The following PCDHA6 variants were observed in gnomAD, a reference collection of about 807,000 sequenced individuals.
The protein encoded by PCDHA6 is protocadherin alpha-6.
PCDHA6 carries 55 observed loss-of-function variants against 60.3 expected under a neutral mutation model. The ratio of observed to expected loss-of-function variants is 0.91; its 90% CI spans 0.73 to 1.14. PCDHA6 has a LOEUF of 1.14. PCDHA6 is among the 50% of genes most tolerant of loss of function. PCDHA6 has a pLI of 0.00. For missense variants in PCDHA6, 1,327 were observed against 1,256.5 expected (o/e 1.06, Z -0.85); for synonymous variants, 652 against 557.9 (o/e 1.17, Z -2.38).
At chr5:140,854,296 G>T in intron 1 of PCDHA6, 4 of 437,926 alleles carry the variant, frequency 9.1e-6, no homozygotes, top group Non-Finnish European at 1.2e-5. Context: ...TTATTATTTT[G>T]TGCGTGGAGA....
chr5:140,882,501 A>G lies in PCDHA6; in HGVS notation c.2394+52016A>G, dbSNP rs782169319. On this transcript the variant is annotated intron_variant, in intron 1 of 3. Transcript: ENST00000529310. Reference sequence around the variant, plus strand: ...AGACACGGGGACCTTCTGGAGGTAAATCTGCAGAATGGCATTTTGTTTGTG... The same window carrying G: ...AGACACGGGGACCTTCTGGAGGTAAGTCTGCAGAATGGCATTTTGTTTGTG... 1 of 1,614,098 alleles carries G rather than the reference A, an allele frequency of 6.2e-7. No individual in the cohort carries two copies. Among genetic ancestry groups the G allele is most frequent in the Non-Finnish European group, 8.5e-7 (1 of 1,180,032 alleles).
At chr5:140,834,520 GC>G in intron 1 of PCDHA6, 1 of 1,614,066 alleles carries the variant, frequency 6.2e-7, no homozygotes, top group Non-Finnish European at 8.5e-7. Flanking sequence ...AACTTCGTGG[GC>G]CGCATCGCGC....
rs2150157851 is a variant in PCDHA6 at position 140,828,677 on chromosome 5, T to C, written c.586T>C (p.Leu196=). 6.8e-6 allele frequency: 11 copies of C among 1,614,216 alleles called. No individual in the cohort carries two copies. Among genetic ancestry groups the C allele is most frequent in the Non-Finnish European group, 7.6e-6 (9 of 1,180,046 alleles). ...TGACAATAAACAAATTGGGCTCTTA[T>C]TAAAGAAATCCTTGGACAGAGAGGA... is the stretch of plus-strand genomic sequence containing the variant. The part of the protein sequence containing the change: ...SDDNKQIGLL[L]KKSLDREEAP... Residue 196 remains leucine (L), a synonymous_variant, in exon 1 of 4, where the codon TTA becomes CTA. Transcript: ENST00000529310.
At chr5:140,856,876 G>A (rs1554149244) in intron 1 of PCDHA6, 1 of 1,596,004 alleles carries the variant, frequency 6.3e-7, no homozygotes, top group Non-Finnish European at 8.6e-7. Context: ...ACAAGGAAAT[G>A]ATGTATTCAT....
intron 1 of PCDHA6, among the ~76,000 whole-genome samples, chr5:140,938,125 A>T (rs1339364898): frequency 6.6e-6 from 1 of 152,120 alleles, no homozygotes; most frequent in Non-Finnish European, 1.5e-5. Context: ...TTTTTTAAAA[A>T]AATAGAGATA....
chr5:140,916,068 C>G (rs928159450), intron 1 of PCDHA6, among the ~76,000 whole-genome samples: 1 of 152,166 alleles, frequency 6.6e-6, no homozygotes, highest in African/African-American at 2.4e-5. Context: ...TCCCTGTGGC[C>G]AGTACTACCA....
rs1362509837 is a variant in PCDHA6, at chr5:140,884,388, T to A, written c.2394+53903T>A. On this transcript the variant is annotated intron_variant, in intron 1 of 3. Transcript: ENST00000529310. ...TACTTGATCATTGCCATCTGCGCGG[T>A]GTCCAGCCTGTTGGTGCTCACGTTG... 3 of 1,613,960 alleles carry A rather than the reference T, an allele frequency of 1.9e-6. No individual in the cohort carries two copies. In the Admixed American group the frequency reaches 5.0e-5, roughly 27 times the overall value.
At chr5:140,917,037 GCA>G (rs2077840325) in intron 1 of PCDHA6, among the ~76,000 whole-genome samples, 1 of 152,268 alleles carries the variant, frequency 6.6e-6, no homozygotes, top group African/African-American at 2.4e-5. Context: ...GCTGAGTCCA[GCA>G]CAGTGTTGTT....
intron 3 of PCDHA6, among the ~76,000 whole-genome samples, chr5:141,006,182 T>G (rs1388785445): frequency 1.3e-5 from 2 of 151,170 alleles, no homozygotes; most frequent in Non-Finnish European, 2.9e-5. Flanking sequence ...TTTAAAAGAG[T>G]TTGCTATATG....
intron 3 of PCDHA6, among the ~76,000 whole-genome samples, chr5:140,993,250 T>G (rs1554253518): frequency 6.6e-6 from 1 of 152,154 alleles, no homozygotes; most frequent in East Asian, 1.9e-4. Context: ...GGGATTTAGA[T>G]ATATAAATTA....
intron 1 of PCDHA6, chr5:140,855,997 T>C (rs1562502842): frequency 1.3e-6 from 2 of 1,505,732 alleles, no homozygotes; most frequent in Non-Finnish European, 1.8e-6. Flanking sequence ...TCAGATCGTA[T>C]GTGCGTTCTA....
intron 1 of PCDHA6, among the ~76,000 whole-genome samples, chr5:140,953,003 A>G (rs2094831963): frequency 6.6e-6 from 1 of 152,190 alleles, no homozygotes; most frequent in Non-Finnish European, 1.5e-5. Context: ...CTCTCTCACT[A>G]TTATGAGAAC....
intron 1 of PCDHA6, among the ~76,000 whole-genome samples, chr5:140,919,265 T>A (rs534045587): frequency 4.3e-4 from 66 of 152,394 alleles, no homozygotes. Flanking sequence ...GATATTAGTG[T>A]AGTCACTCCA....
rs1320523383 is a variant in PCDHA6, at chr5:140,828,037, A to G, written c.-55A>G. ...ATTAATAAATTCCGGAACATACAGT[A>G]TTTTATCTTTATGCGGAAGATCTTC... On this transcript the variant is annotated 5_prime_UTR_variant, in exon 1 of 4. Transcript: ENST00000529310. The G allele has an allele frequency of 2.6e-6, 4 of 1,539,206 alleles. No individual in the cohort carries two copies. The highest frequency in any genetic ancestry group is 1.4e-5 in the African/African-American group (1 of 72,452).
chr5:140,926,351 C>T (rs1301072681), intron 1 of PCDHA6: 2 of 152,276 alleles, frequency 1.3e-5, no homozygotes, highest in African/African-American at 4.8e-5. Flanking sequence ...CGACGCGCGG[C>T]TCCCAAAGGG....
chr5:140,847,627 T>G (rs886255064), intron 1 of PCDHA6: 2 of 149,354 alleles, frequency 1.3e-5, no homozygotes, highest in Non-Finnish European at 3.0e-5. Flanking sequence ...CAAACTATAT[T>G]GGAGACTACA....
chr5:140,870,823 G>A (rs971082881), intron 1 of PCDHA6: 1 of 1,613,762 alleles, frequency 6.2e-7, no homozygotes, highest in Non-Finnish European at 8.5e-7. Flanking sequence ...CAGCGCGGGA[G>A]GCGCAGTTAA....
chr5:140,912,723 A>C (rs781874290), intron 1 of PCDHA6, among the ~76,000 whole-genome samples: 21 of 152,256 alleles, frequency 1.4e-4, no homozygotes, highest in Admixed American at 1.1e-3. Context: ...TCCATTCAAT[A>C]TGATGTTGGC....
chr5:140,871,461 A>G, intron 1 of PCDHA6: 1 of 1,605,278 alleles, frequency 6.2e-7, no homozygotes, highest in Non-Finnish European at 8.5e-7. Context: ...AGGAAGGGGA[A>G]AGACAGGAGC....
Sources: gnomAD v4.1 joint callset for allele counts (sites outside exome capture counted in the v4.1 genomes callset) on GRCh38, gnomAD v4.1.1 for gene constraint, MANE v1.5 for transcripts, NCBI Gene and HGNC (gene_info 2026-07-23, HGNC 2026-07-21) for gene names.